TANC2: variants seen among roughly 807,000 people sequenced by gnomAD.
The protein encoded by TANC2 is tetratricopeptide repeat, ankyrin repeat and coiled-coil containing 2.
In TANC2, 26 loss-of-function variants were observed where a neutral mutation model predicts 210.5. The ratio of observed to expected loss-of-function variants is 0.12; its 90% confidence interval spans 0.09 to 0.17. TANC2 has a LOEUF of 0.17. Ranked by LOEUF, TANC2 falls within the 10% of genes least tolerant of loss-of-function variation. TANC2 has a pLI of 1.00. For missense variants in TANC2, 2,129 were observed against 2,608.9 expected (o/e 0.82, Z 4.01); for synonymous variants, 931 against 967.1 (o/e 0.96, Z 0.69).
chr17:63,079,884 G>C (rs1374893494), intron 3 of TANC2, among the ~76,000 whole-genome samples: 1 of 152,084 alleles, frequency 6.6e-6, no homozygotes, highest in Non-Finnish European at 1.5e-5. Context: ...TCCAGTTTAG[G>C]GGCAGAGACC....
intron 2 of TANC2, among the ~76,000 whole-genome samples, chr17:63,028,274 G>GTT (rs947696182): frequency 2.6e-5 from 4 of 152,098 alleles, no homozygotes; most frequent in Non-Finnish European, 4.4e-5. Flanking sequence ...GAGACAGAAT[G>GTT]TTTTGCCTGT....
At chr17:63,309,751 A>G (rs2045053082) in intron 9 of TANC2, among the ~76,000 whole-genome samples, 1 of 150,652 alleles carries the variant, frequency 6.6e-6, no homozygotes, top group South Asian at 2.1e-4. Context: ...GTATTTTTCA[A>G]AATCTATTGA....
At chr17:63,392,087 T>A (rs1034705184) in intron 17 of TANC2, among the ~76,000 whole-genome samples, 3 of 152,196 alleles carry the variant, frequency 2.0e-5, no homozygotes, top group African/African-American at 7.2e-5. Flanking sequence ...CTTCTTCTGA[T>A]AGAACTGTTC....
chr17:63,091,583 T>TA (rs1309191983), intron 3 of TANC2, among the ~76,000 whole-genome samples: 1 of 152,224 alleles, frequency 6.6e-6, no homozygotes, highest in Non-Finnish European at 1.5e-5. Flanking sequence ...TCTGTTTTGG[T>TA]ACCAGTACCA....
At chr17:63,050,125 G>A (rs912194576) in intron 2 of TANC2, among the ~76,000 whole-genome samples, 2 of 152,108 alleles carry the variant, frequency 1.3e-5, no homozygotes, top group African/African-American at 2.4e-5. Flanking sequence ...GCTGAGTTGT[G>A]TGGACCACTT....
chr17:63,248,256 G>A (rs2042968513), intron 8 of TANC2, among the ~76,000 whole-genome samples: 1 of 152,030 alleles, frequency 6.6e-6, no homozygotes, highest in Non-Finnish European at 1.5e-5. Context: ...AGACTCCGAT[G>A]CTAAATCTCT....
chr17:63,306,669 T>C lies in TANC2; in HGVS notation c.1160-7719T>C, dbSNP rs80263531. 8.7e-3 allele frequency among the ~76,000 whole-genome samples: 1,322 copies of C among 152,270 alleles called. 12 individuals carry two copies. Among genetic ancestry groups the C allele is most frequent in the Middle Eastern group, 0.031 (9 of 294 alleles). ...AAGCCCTCTGGCTAAAAGAAAATTA[T>C]GGGGGCCGGGCATGGTGGCTCACGC... On this transcript the variant is annotated intron_variant, in intron 9 of 27. Coordinates refer to ENST00000689528, the Ensembl canonical transcript of TANC2.
At position 63,418,495 on chromosome 17, in the gene TANC2, C is replaced by A; in HGVS notation, c.4268+88C>A. 1 of 1,123,326 alleles carries A rather than the reference C, an allele frequency of 8.9e-7. No individual in the cohort carries two copies. The highest frequency in any genetic ancestry group is 1.3e-6 in the Non-Finnish European group (1 of 774,724). The allele number at this position is 1,123,326 out of a possible 1,614,324, so 69.6% of individuals were successfully genotyped here. A position where few individuals can be genotyped will look rare whatever the true frequency, so the allele number is the denominator to read the frequency against. Reference sequence around the variant, plus strand: ...CGTCGGCCACCCTGGGGCATATGTACCCAAATACATCTCTGTCCTTGAGAA... The same window carrying A: ...CGTCGGCCACCCTGGGGCATATGTAACCAAATACATCTCTGTCCTTGAGAA... On this transcript the variant is annotated intron_variant, in intron 27 of 27. Coordinates refer to ENST00000689528, the Ensembl canonical transcript of TANC2. The surrounding 1 kb of genome is among the most constrained non-coding windows in gnomAD (Gnocchi z 4.6).
In TANC2 at chr17:63,420,017, A is replaced by G. The variant is rs932382460; in HGVS notation, c.4287A>G (p.Leu1429=). 1 of 1,549,074 alleles carries G rather than the reference A, an allele frequency of 6.5e-7. No individual in the cohort carries two copies. Among genetic ancestry groups the G allele is most frequent in the South Asian group, 1.2e-5 (1 of 83,924 alleles). The stretch of plus-strand genomic sequence containing the variant: ...CAAGCAGACAGTTCGCAGCAGCCTT[A>G]GAGGACCTGAACGAGGCCATCAAGC... Residue 1429 remains leucine (L), a synonymous_variant, in exon 28 of 28, where the codon TTA becomes TTG. Coordinates refer to ENST00000689528, the Ensembl canonical transcript of TANC2. This position sits in a 1 kb window ranked among gnomAD's most constrained non-coding sequence, Gnocchi z 4.2.
At chr17:63,212,452 G>A (rs1426095083) in intron 7 of TANC2, among the ~76,000 whole-genome samples, 2 of 152,142 alleles carry the variant, frequency 1.3e-5, no homozygotes, top group Non-Finnish European at 2.9e-5. Context: ...AATGGTGCTT[G>A]AAGAAATACC....
intron 9 of TANC2, among the ~76,000 whole-genome samples, chr17:63,287,911 A>G (rs568425697): frequency 6.6e-6 from 1 of 152,196 alleles, no homozygotes; most frequent in Non-Finnish European, 1.5e-5. Flanking sequence ...TCCTGACCTC[A>G]GGTGATCTGC....
At chr17:63,374,688 C>G (rs1567964543) in intron 14 of TANC2, among the ~76,000 whole-genome samples, 1 of 152,110 alleles carries the variant, frequency 6.6e-6, no homozygotes, top group Non-Finnish European at 1.5e-5. Flanking sequence ...TGAAACCCTA[C>G]AGATAATTTA....
intron 5 of TANC2, among the ~76,000 whole-genome samples, chr17:63,163,884 T>C (rs1202235635): frequency 6.6e-6 from 1 of 152,230 alleles, no homozygotes; most frequent in East Asian, 1.9e-4. Flanking sequence ...TAATTTTCTA[T>C]AATGTATGTA....
Position 63,263,064 on chromosome 17 carries a change from T to G in TANC2, c.1034-4684T>G, listed in dbSNP as rs545227370. On this transcript the variant is annotated intron_variant, in intron 8 of 27. Transcript: ENST00000689528. ...ATATCTACAATTTGGATAAATTCCTTTAGCTGGGTTTCCAGTAGACCTAGA... is the reference window on the plus strand; with the variant it reads ...ATATCTACAATTTGGATAAATTCCTGTAGCTGGGTTTCCAGTAGACCTAGA... Among the ~76,000 whole-genome samples the G allele has an allele frequency of 1.2e-3, 182 of 152,312 alleles. 1 individual carries two copies. Among genetic ancestry groups the G allele is most frequent in the African/African-American group, 4.0e-3 (166 of 41,588 alleles).
intron 9 of TANC2, among the ~76,000 whole-genome samples, chr17:63,288,649 C>T (rs1490251953): frequency 6.6e-6 from 1 of 152,012 alleles, no homozygotes; most frequent in Non-Finnish European, 1.5e-5. Flanking sequence ...CTATAAGGAT[C>T]TTCATATGTT....
chr17:63,153,390 C>T (rs1409488498), intron 5 of TANC2: 1 of 152,098 alleles, frequency 6.6e-6, no homozygotes, highest in East Asian at 1.9e-4. Flanking sequence ...TATTCATTAT[C>T]ACCTGAAAAT....
At chr17:63,244,822 A>G (rs1018332988) in intron 8 of TANC2, among the ~76,000 whole-genome samples, 6 of 152,186 alleles carry the variant, frequency 3.9e-5, no homozygotes, top group Non-Finnish European at 8.8e-5. Flanking sequence ...TAATTGAATC[A>G]TGGAGGCAGG....
intron 8 of TANC2, among the ~76,000 whole-genome samples, chr17:63,264,492 A>G (rs2043464276): frequency 6.6e-6 from 1 of 152,102 alleles, no homozygotes; most frequent in South Asian, 2.1e-4. Flanking sequence ...GTATCACCAG[A>G]GTGTTTCACC....
chr17:63,054,901 C>T (rs1256878722), intron 2 of TANC2, among the ~76,000 whole-genome samples: 3 of 152,164 alleles, frequency 2.0e-5, no homozygotes, highest in African/African-American at 7.2e-5. Flanking sequence ...AACCTCCACC[C>T]CTCCTATTAG....
Sources: gnomAD v4.1 joint callset for allele counts (sites outside exome capture counted in the v4.1 genomes callset) on GRCh38, gnomAD v4.1.1 for gene constraint, Gnocchi (gnomAD v3.1) non-coding constraint, MANE v1.5 for transcripts, NCBI Gene and HGNC (gene_info 2026-07-23, HGNC 2026-07-21) for gene names.